The following MAML2 variants were observed in gnomAD, a reference collection of about 807,000 sequenced individuals.
The protein encoded by MAML2 is mastermind-like protein 2.
MAML2 carries 22 observed loss-of-function variants against 96.1 expected under a neutral mutation model. That is an observed-to-expected ratio of 0.23 (90% confidence interval 0.16 to 0.33). The LOEUF (loss-of-function observed/expected upper bound fraction) is 0.33, where lower values mean the gene tolerates loss of function less well. MAML2 is among the 10% of genes least tolerant of loss of function. The pLI, the probability that MAML2 is intolerant of heterozygous loss-of-function variation, is 1.00. For synonymous variants in MAML2, 561 were observed against 521.3 expected (o/e 1.08, Z -1.04); for missense variants, 1,367 against 1,392.4 (o/e 0.98, Z 0.29).
At chr11:96,278,165 A>G (rs572464185) in intron 1 of MAML2, among the ~76,000 whole-genome samples, 60 of 152,138 alleles carry the variant, frequency 3.9e-4, no homozygotes, top group African/African-American at 1.4e-3. Context: ...CTGTGTTCAT[A>G]TTCCGTATCA....
At chr11:96,233,432 T>C (rs1862324259) in intron 1 of MAML2, among the ~76,000 whole-genome samples, 1 of 151,622 alleles carries the variant, frequency 6.6e-6, no homozygotes, top group South Asian at 2.1e-4. Flanking sequence ...TAAGATACAG[T>C]GTCTTACTCT....
chr11:96,327,662 G>C (rs1297156090), intron 1 of MAML2, among the ~76,000 whole-genome samples: 4 of 151,340 alleles, frequency 2.6e-5, no homozygotes, highest in Non-Finnish European at 5.9e-5. Flanking sequence ...CAAGTGATCT[G>C]CCTGCTTCAG....
At chr11:96,163,324 G>T (rs1380305766) in intron 1 of MAML2, among the ~76,000 whole-genome samples, 2 of 151,834 alleles carry the variant, frequency 1.3e-5, no homozygotes. Context: ...AGTTGATGAG[G>T]CTCCTTCCAG....
chr11:96,166,175 T>TCACA lies in MAML2; in HGVS notation c.514-72659_514-72658insTGTG, dbSNP rs1283060567. On this transcript the variant is annotated intron_variant, in intron 1 of 4. Coordinates refer to ENST00000524717, the MANE Select transcript of MAML2 (RefSeq NM_032427.4). ...GTCTGTCTCTCTCTCTCTCTCTCTC[T>TCACA]CTCACACACACACACACACACACAC... Among the ~76,000 whole-genome samples, 497 of 101,858 alleles carry TCACA rather than the reference T, an allele frequency of 4.9e-3. 3 individuals carry two copies. Among genetic ancestry groups the TCACA allele is most frequent in the African/African-American group, 8.1e-3 (209 of 25,830 alleles). The allele number at this position is 101,858 out of a possible 152,430, so 66.8% of individuals were successfully genotyped here. A position where few individuals can be genotyped will look rare whatever the true frequency, so the allele number is the denominator to read the frequency against.
intron 1 of MAML2, among the ~76,000 whole-genome samples, chr11:96,308,097 TA>T (rs1863490434): frequency 6.6e-6 from 1 of 152,190 alleles, no homozygotes; most frequent in Admixed American, 6.5e-5. Context: ...TGTTATAGTT[TA>T]CATTTGGGAT....
At chr11:95,998,125 T>TGTCTGTCTGTCTGCCA (rs1858022068) in intron 2 of MAML2, among the ~76,000 whole-genome samples, 1 of 125,618 alleles carries the variant, frequency 8.0e-6, no homozygotes, top group Admixed American at 8.4e-5. Flanking sequence ...TCTATCTATC[T>TGTCTGTCTGTCTGCCA]GTCTGTCTGT....
At chr11:96,173,176 C>T (rs980117964) in intron 1 of MAML2, among the ~76,000 whole-genome samples, 1 of 152,188 alleles carries the variant, frequency 6.6e-6, no homozygotes, top group Non-Finnish European at 1.5e-5. Context: ...AGCACTTGGA[C>T]ACAAGACTAC....
chr11:96,260,615 G>A (rs1013178238), intron 1 of MAML2, among the ~76,000 whole-genome samples: 4 of 152,144 alleles, frequency 2.6e-5, no homozygotes, highest in African/African-American at 9.7e-5. Flanking sequence ...AAGACTATGA[G>A]AGAAAGGCAT....
At chr11:96,294,043 T>C (rs753164855) in intron 1 of MAML2, among the ~76,000 whole-genome samples, 7 of 152,206 alleles carry the variant, frequency 4.6e-5, no homozygotes, top group Non-Finnish European at 7.4e-5. Context: ...GAGAGGCCAA[T>C]GAATTTTAAG....
At chr11:96,069,955 C>T (rs1269050202) in intron 2 of MAML2, among the ~76,000 whole-genome samples, 4 of 150,866 alleles carry the variant, frequency 2.7e-5, no homozygotes, top group African/African-American at 4.9e-5. Flanking sequence ...ACCTGAGAGG[C>T]GGAGGTTGCA....
intron 2 of MAML2, among the ~76,000 whole-genome samples, chr11:96,044,620 T>C (rs1858867443): frequency 6.6e-6 from 1 of 151,784 alleles, no homozygotes; most frequent in Non-Finnish European, 1.5e-5. Context: ...TCAGCTAACA[T>C]CTTAGAAAGG....
At chr11:96,189,195 G>C (rs1481741368) in intron 1 of MAML2, among the ~76,000 whole-genome samples, 5 of 152,022 alleles carry the variant, frequency 3.3e-5, no homozygotes, top group African/African-American at 1.2e-4. Context: ...ATGATTTGAT[G>C]AGAGTTTGGT....
intron 1 of MAML2, among the ~76,000 whole-genome samples, chr11:96,166,051 A>G (rs1171381560): frequency 6.6e-6 from 1 of 151,848 alleles, no homozygotes; most frequent in Non-Finnish European, 1.5e-5. Context: ...TTTCCCTACA[A>G]TTCTCATTGA....
At chr11:96,050,918 A>G (rs925641105) in intron 2 of MAML2, among the ~76,000 whole-genome samples, 7 of 152,224 alleles carry the variant, frequency 4.6e-5, no homozygotes, top group African/African-American at 1.7e-4. Context: ...ATGCTGGCCT[A>G]CTGGCAAGCT....
At chr11:96,122,636 T>C (rs1428400771) in intron 1 of MAML2, among the ~76,000 whole-genome samples, 2 of 152,194 alleles carry the variant, frequency 1.3e-5, no homozygotes, top group Non-Finnish European at 2.9e-5. Flanking sequence ...CTATCACACC[T>C]GTAGGCTTTT....
At chr11:96,044,861 A>G (rs1315321015) in intron 2 of MAML2, among the ~76,000 whole-genome samples, 1 of 152,220 alleles carries the variant, frequency 6.6e-6, no homozygotes, top group African/African-American at 2.4e-5. Flanking sequence ...CATCCATTGT[A>G]ATGAAAGGGC....
At chr11:96,320,709 TG>T (rs1863688468) in intron 1 of MAML2, among the ~76,000 whole-genome samples, 1 of 152,196 alleles carries the variant, frequency 6.6e-6, no homozygotes, top group Middle Eastern at 3.2e-3. Flanking sequence ...TGTGTTTGTG[TG>T]TGTATTTCTT....
At chr11:96,165,261 A>G (rs1160157538) in intron 1 of MAML2, among the ~76,000 whole-genome samples, 1 of 152,202 alleles carries the variant, frequency 6.6e-6, no homozygotes, top group Non-Finnish European at 1.5e-5. Context: ...TCACCTTGAA[A>G]GGCTTGTTAA....
intron 1 of MAML2, among the ~76,000 whole-genome samples, chr11:96,237,724 C>A (rs1237661402): frequency 1.3e-5 from 2 of 152,192 alleles, no homozygotes; most frequent in African/African-American, 4.8e-5. Context: ...GCTGTGGATA[C>A]AACACATTCG....
Sources: allele counts gnomAD v4.1 joint callset (sites outside exome capture counted in the v4.1 genomes callset), GRCh38; gene constraint gnomAD v4.1.1; transcripts MANE v1.5; gene names NCBI Gene and HGNC (gene_info 2026-07-23, HGNC 2026-07-21).